Variants in RTL4 observed in about 807,000 individuals in gnomAD.
The protein encoded by RTL4 is retrotransposon Gag-like protein 4.
A neutral mutation model predicts 5.3 loss-of-function variants in RTL4; 4 were observed. The observed-to-expected ratio is 0.75, with a 90% CI of 0.37 to 1.72. The LOEUF is 1.72. Among genes scored for constraint, RTL4 ranks in the 40% most tolerant of loss-of-function variants. The probability of loss-of-function intolerance (pLI) is 0.04; values close to 1 mark genes in which losing one functional copy is unlikely to be tolerated. For missense variants in RTL4, 260 were observed against 227.1 expected, an observed-to-expected ratio of 1.14 and a Z score of -0.93; for synonymous variants, 98 against 87.3, an observed-to-expected ratio of 1.12 and a Z score of -0.68.
At chrX:112,299,263 T>G in the RTL4 span, among the ~76,000 whole-genome samples, 3 of 112,187 alleles carry the variant, frequency 2.7e-5, no homozygotes, top group African/African-American at 9.7e-5. Context: ...ATGAGCAAAC[T>G]TATTTTACTT....
chrX:112,194,927 C>A, the RTL4 span, among the ~76,000 whole-genome samples: 3 of 111,776 alleles, frequency 2.7e-5, no homozygotes, highest in Admixed American at 2.9e-4. Flanking sequence ...TAATTTAGAG[C>A]TTGAAGAATA....
At chrX:112,098,545 A>T in the RTL4 span, among the ~76,000 whole-genome samples, 4 of 111,774 alleles carry the variant, frequency 3.6e-5, no homozygotes, top group Non-Finnish European at 5.6e-5. Context: ...ACCGACTTCC[A>T]CAATGGTTGA....
the RTL4 span, among the ~76,000 whole-genome samples, chrX:112,372,422 T>A: frequency 9.0e-6 from 1 of 111,510 alleles, no homozygotes; most frequent in Non-Finnish European, 1.9e-5. Context: ...TTACAAACAA[T>A]GTTACTATGC....
the RTL4 span, among the ~76,000 whole-genome samples, chrX:112,413,303 A>T: frequency 5.4e-5 from 6 of 111,635 alleles, no homozygotes; most frequent in Middle Eastern, 4.7e-3. Context: ...GAAGTTCCTC[A>T]AAAACCTGAA....
the RTL4 span, among the ~76,000 whole-genome samples, chrX:112,101,879 A>G: frequency 1.3e-4 from 14 of 110,811 alleles, no homozygotes; most frequent in Non-Finnish European, 2.3e-4. Flanking sequence ...GGAGCTAAAG[A>G]TTAGAGTTAT....
chrX:112,217,284 C>T, the RTL4 span, among the ~76,000 whole-genome samples: 1 of 111,584 alleles, frequency 9.0e-6, no homozygotes, highest in Non-Finnish European at 1.9e-5. Flanking sequence ...TTTGAGAATG[C>T]CCCAAATCAA....
At chrX:112,292,169 A>G in the RTL4 span, among the ~76,000 whole-genome samples, 1 of 111,889 alleles carries the variant, frequency 8.9e-6, no homozygotes, top group African/African-American at 3.2e-5. Flanking sequence ...TTATACCTCT[A>G]TTCAGGTCTC....
chrX:112,314,112 A>G, the RTL4 span, among the ~76,000 whole-genome samples: 1 of 112,011 alleles, frequency 8.9e-6, no homozygotes, highest in Non-Finnish European at 1.9e-5. Context: ...ATATCAGTTA[A>G]ACGCCAAGTA....
At chrX:112,249,825 T>TAAC in the RTL4 span, among the ~76,000 whole-genome samples, 3 of 107,650 alleles carry the variant, frequency 2.8e-5, no homozygotes, top group Non-Finnish European at 5.7e-5. Context: ...CATATATAGA[T>TAAC]AACACATAAT....
chrX:112,355,468 T>G, the RTL4 span, among the ~76,000 whole-genome samples: 1 of 110,946 alleles, frequency 9.0e-6, no homozygotes, highest in Non-Finnish European at 1.9e-5. Flanking sequence ...TCATTTTGAG[T>G]TAGAAAAGGA....
chrX:112,293,240 G>T, the RTL4 span, among the ~76,000 whole-genome samples: 19 of 112,264 alleles, frequency 1.7e-4, no homozygotes, highest in African/African-American at 5.8e-4. Flanking sequence ...CCCATGGCTG[G>T]CTAAGTCAGA....
At chrX:112,356,421 G>A in the RTL4 span, among the ~76,000 whole-genome samples, 3 of 111,552 alleles carry the variant, frequency 2.7e-5, no homozygotes, top group African/African-American at 9.8e-5. Context: ...GCAAAGAATA[G>A]AATCCCACTT....
At chrX:112,212,792 A>T in the RTL4 span, among the ~76,000 whole-genome samples, 2 of 112,133 alleles carry the variant, frequency 1.8e-5, no homozygotes, top group Non-Finnish European at 3.8e-5. Flanking sequence ...CCCTCACTTA[A>T]TCAGTGGATG....
chrX:112,188,816 A>T, the RTL4 span, among the ~76,000 whole-genome samples: 7 of 110,940 alleles, frequency 6.3e-5, no homozygotes, highest in African/African-American at 2.3e-4. Flanking sequence ...CATTACTTTT[A>T]AGTAATGTCG....
the RTL4 span, among the ~76,000 whole-genome samples, chrX:112,214,447 G>T: frequency 9.8e-5 from 11 of 111,971 alleles, no homozygotes; most frequent in African/African-American, 3.6e-4. Flanking sequence ...TCATGTCTTG[G>T]CTACTAGGAA....
At chrX:112,184,417 T>G in the RTL4 span, among the ~76,000 whole-genome samples, 1 of 111,771 alleles carries the variant, frequency 8.9e-6, no homozygotes, top group Non-Finnish European at 1.9e-5. Context: ...ACAACAGACA[T>G]TGAACAGGAC....
chrX:112,237,638 A>T, the RTL4 span, among the ~76,000 whole-genome samples: 2 of 112,726 alleles, frequency 1.8e-5, no homozygotes, highest in Non-Finnish European at 1.9e-5. Context: ...TTAACATGCT[A>T]TTGAACTTTA....
At chrX:112,433,299 T>C in the RTL4 span, among the ~76,000 whole-genome samples, 1 of 101,067 alleles carries the variant, frequency 9.9e-6, no homozygotes, top group African/African-American at 3.7e-5. Context: ...GGGGATGGCA[T>C]TGAATCTATA....
chrX:112,301,075 G>A, the RTL4 span, among the ~76,000 whole-genome samples: 2 of 111,573 alleles, frequency 1.8e-5, no homozygotes, highest in South Asian at 3.8e-4. Context: ...AGGGGCAATA[G>A]GATTTGCAGA....
Sources: allele counts gnomAD v4.1 joint callset (sites outside exome capture counted in the v4.1 genomes callset), GRCh38; gene constraint gnomAD v4.1.1; transcripts MANE v1.5; gene names NCBI Gene and HGNC (gene_info 2026-07-23, HGNC 2026-07-21).